WWOX: variants seen among roughly 807,000 people sequenced by gnomAD.
WWOX encodes WW domain-containing oxidoreductase.
In WWOX, 69 loss-of-function variants were observed where a neutral mutation model predicts 46.2. The ratio of observed to expected loss-of-function variants is 1.49; its 90% CI spans 1.23 to 1.82. WWOX has a LOEUF of 1.82. Among genes scored for constraint, WWOX ranks in the 40% most tolerant of loss-of-function variants. WWOX has a pLI of 0.00. For missense variants in WWOX, 919 were observed against 542.6 expected (o/e 1.69, Z -6.89); for synonymous variants, 359 against 202.6 (o/e 1.77, Z -6.56).
intron 8 of WWOX, among the ~76,000 whole-genome samples, chr16:78,782,307 T>G (rs952487760): frequency 3.3e-5 from 5 of 152,186 alleles, no homozygotes; most frequent in African/African-American, 1.2e-4. Flanking sequence ...TTCAAGAACC[T>G]TCTTGCTCCC....
chr16:79,181,235 G>C (rs1219784713), intron 8 of WWOX, among the ~76,000 whole-genome samples: 1 of 151,988 alleles, frequency 6.6e-6, no homozygotes, highest in African/African-American at 2.4e-5. Flanking sequence ...TGCTTTATTT[G>C]GTCAAGACAT....
intron 8 of WWOX, among the ~76,000 whole-genome samples, chr16:78,766,829 A>C (rs1424620032): frequency 1.3e-5 from 2 of 152,184 alleles, no homozygotes; most frequent in African/African-American, 4.8e-5. Flanking sequence ...TTAATTTATA[A>C]GTGTAAAATT....
rs575795310 is a variant in WWOX, at chr16:79,174,095, G to A, written c.1057-37513G>A. On this transcript the variant is annotated intron_variant, in intron 8 of 8. Transcript: ENST00000566780. ...TGTTTATTTGACCTTGATCTTGTGA[G>A]GGCTTGGTTCCCATGGCTTTGTAGA... Among the ~76,000 whole-genome samples the A allele has an allele frequency of 2.0e-5, 3 of 152,288 alleles. No individual in the cohort carries two copies. The South Asian group carries it at 6.2e-4, about 32-fold the overall frequency.
intron 8 of WWOX, among the ~76,000 whole-genome samples, chr16:78,767,568 C>T (rs567470303): frequency 1.3e-5 from 2 of 151,772 alleles, no homozygotes; most frequent in African/African-American, 4.8e-5. Flanking sequence ...GCTTTCGATT[C>T]TTCTGCATGT....
At chr16:78,976,701 C>T (rs921437432) in intron 8 of WWOX, among the ~76,000 whole-genome samples, 1 of 152,120 alleles carries the variant, frequency 6.6e-6, no homozygotes, top group Non-Finnish European at 1.5e-5. Flanking sequence ...TGCCTGAGAC[C>T]CACCAGGAGC....
chr16:78,491,143 G>T (rs2084775899), intron 8 of WWOX, among the ~76,000 whole-genome samples: 1 of 152,124 alleles, frequency 6.6e-6, no homozygotes, highest in South Asian at 2.1e-4. Flanking sequence ...ATTGGCAAAA[G>T]GCTCTCCATC....
At chr16:78,633,516 A>C (rs1268759696) in intron 8 of WWOX, among the ~76,000 whole-genome samples, 1 of 152,136 alleles carries the variant, frequency 6.6e-6, no homozygotes, top group Admixed American at 6.6e-5. Flanking sequence ...CGTGTTCTCT[A>C]GCTAACGCAT....
intron 5 of WWOX, among the ~76,000 whole-genome samples, chr16:78,296,195 G>A (rs1174851627): frequency 6.6e-6 from 1 of 152,028 alleles, no homozygotes; most frequent in Non-Finnish European, 1.5e-5. Context: ...TACTTTGAAT[G>A]TCTTTTTCTT....
chr16:78,539,987 C>G (rs991340457), intron 8 of WWOX, among the ~76,000 whole-genome samples: 11 of 144,448 alleles, frequency 7.6e-5, no homozygotes, highest in Admixed American at 4.4e-4. Context: ...CAATACATCT[C>G]TCTCTCTCTT....
chr16:78,979,543 C>T (rs78486988), intron 8 of WWOX, among the ~76,000 whole-genome samples: 3 of 152,250 alleles, frequency 2.0e-5, no homozygotes, highest in East Asian at 1.9e-4. Flanking sequence ...AATCAGCTAG[C>T]GATGGCTAAG....
intron 8 of WWOX, among the ~76,000 whole-genome samples, chr16:79,049,504 C>G (rs780227988): frequency 6.6e-6 from 1 of 152,068 alleles, no homozygotes; most frequent in East Asian, 1.9e-4. Flanking sequence ...ATCAGGAAGG[C>G]CAAGCCCAGA....
chr16:78,724,925 T>C (rs1433738962), intron 8 of WWOX, among the ~76,000 whole-genome samples: 1 of 152,170 alleles, frequency 6.6e-6, no homozygotes, highest in South Asian at 2.1e-4. Context: ...TAGTAGTGAT[T>C]CCAGGTACGT....
chr16:79,002,005 G>A (rs904522220), intron 8 of WWOX, among the ~76,000 whole-genome samples: 6 of 152,086 alleles, frequency 3.9e-5, no homozygotes, highest in African/African-American at 1.4e-4. Flanking sequence ...GGTGTGATTA[G>A]GGGTCTGGGG....
At chr16:78,603,910 C>G (rs935015394) in intron 8 of WWOX, among the ~76,000 whole-genome samples, 4 of 151,816 alleles carry the variant, frequency 2.6e-5, no homozygotes, top group Admixed American at 1.3e-4. Flanking sequence ...AGGAGGCTGA[C>G]GTGGGAGGAT....
intron 6 of WWOX, among the ~76,000 whole-genome samples, chr16:78,422,577 C>T (rs1038693321): frequency 6.8e-6 from 1 of 147,348 alleles, no homozygotes; most frequent in Admixed American, 7.0e-5. Context: ...GAATACTGGG[C>T]TCAAGTGATT....
At chr16:78,551,352 T>A (rs1423813929) in intron 8 of WWOX, 1 of 152,196 alleles carries the variant, frequency 6.6e-6, no homozygotes, top group Non-Finnish European at 1.5e-5. Flanking sequence ...AAGGAGGATG[T>A]TGATCTCCTA....
intron 8 of WWOX, among the ~76,000 whole-genome samples, chr16:78,876,449 G>C (rs1357113732): frequency 6.7e-6 from 1 of 149,338 alleles, no homozygotes; most frequent in Non-Finnish European, 1.5e-5. Flanking sequence ...TCAACAAATA[G>C]ATTGTGAATG....
rs138071908 is a variant in WWOX, at chr16:78,565,240, C to T, written c.1056+132488C>T. 1.6e-3 allele frequency among the ~76,000 whole-genome samples: 242 copies of T among 152,354 alleles called. 4 individuals are homozygous for T. The highest frequency in any genetic ancestry group is 5.5e-3 in the African/African-American group (227 of 41,580). ...TTTGTTATAAACAAATTACCAAAAA[C>T]GTACTGGCTTTAAACAACACATGCT... is the stretch of plus-strand genomic sequence containing the variant. On this transcript the variant is annotated intron_variant, in intron 8 of 8. Transcript: ENST00000566780.
intron 8 of WWOX, among the ~76,000 whole-genome samples, chr16:79,072,125 A>C (rs2048562555): frequency 6.6e-6 from 1 of 152,130 alleles, no homozygotes; most frequent in Non-Finnish European, 1.5e-5. Flanking sequence ...TCTACAAAAA[A>C]AGAAAAATAA....
Sources: gnomAD v4.1 joint callset for allele counts (sites outside exome capture counted in the v4.1 genomes callset) on GRCh38, gnomAD v4.1.1 for gene constraint, MANE v1.5 for transcripts, NCBI Gene and HGNC (gene_info 2026-07-23, HGNC 2026-07-21) for gene names.